Variants in HK1 observed in about 807,000 individuals in gnomAD.
HK1 encodes the protein hexokinase 1.
Under a neutral mutation model 91.6 loss-of-function variants are expected in HK1, and 28 were observed. The observed-to-expected ratio is 0.31, with a 90% CI of 0.23 to 0.42. The LOEUF (loss-of-function observed/expected upper bound fraction) is 0.42. HK1 is among the 10% of genes least tolerant of loss of function. HK1 has a pLI of 1.00. For missense variants in HK1, 770 were observed against 1,219.8 expected, an observed-to-expected ratio of 0.63 and a Z score of 5.49; for synonymous variants, 430 against 468.1, an observed-to-expected ratio of 0.92 and a Z score of 1.05.
chr10:69,364,990 G>T lies in HK1; in HGVS notation c.495+88G>T, dbSNP rs190810825. ...CTTTTCTCCACAACTTTTCCCCTTT[G>T]TTGGCAGAATGGTTTGCATGTCTGG... On this transcript the variant is annotated intron_variant, in intron 4 of 17. Transcript: ENST00000359426. 8.7e-4 allele frequency: 1,297 copies of T among 1,482,478 alleles called. 3 individuals are homozygous for T. The highest frequency in any genetic ancestry group is 1.1e-3 in the Non-Finnish European group (1,158 of 1,062,882). 91.8% of individuals were successfully genotyped at this position (1,482,478 alleles called of 1,614,324 possible).
Position 69,380,204 on chromosome 10 carries a change from A to T in HK1, c.1265+109A>T. On this transcript the variant is annotated intron_variant, in intron 9 of 17. Coordinates refer to ENST00000359426, the MANE Select transcript of HK1 (RefSeq NM_000188.3). The surrounding 1 kb of genome is among the most constrained non-coding windows in gnomAD (Gnocchi z 4.0). ...TAAACGTTTTTCGGCAGACAAGACA[A>T]TGGTGGTCGGGGGCTGTGGCTCATG... 1.1e-6 allele frequency: 1 copy of T among 877,954 alleles called. No individual in the cohort carries two copies. The highest frequency in any genetic ancestry group is 1.4e-5 in the South Asian group (1 of 71,256). 54.4% of individuals were successfully genotyped at this position (877,954 alleles called of 1,614,324 possible).
intron 3 of HK1, among the ~76,000 whole-genome samples, chr10:69,294,133 T>C (rs905980184): frequency 5.9e-5 from 9 of 151,826 alleles, no homozygotes; most frequent in Non-Finnish European, 1.3e-4. Flanking sequence ...AGTGCTGGGA[T>C]TACAGGCGTG....
At chr10:69,308,389 G>A (rs1003744015) in intron 5 of HK1, among the ~76,000 whole-genome samples, 3 of 152,104 alleles carry the variant, frequency 2.0e-5, no homozygotes, top group Non-Finnish European at 2.9e-5. Context: ...CGAGCTCCCC[G>A]AGTGAACAAT....
In HK1 at chr10:69,369,786, T is replaced by G. The variant is rs1450433800; in HGVS notation, c.875+162T>G. ...CGGAGTCTTGCTCTGTCACCCAGGC[T>G]GGAGTGCAGTGGCTCAATCTCAGCT... On this transcript the variant is annotated intron_variant, in intron 7 of 17. Transcript: ENST00000359426. The surrounding 1 kb of genome is among the most constrained non-coding windows in gnomAD (Gnocchi z 4.4). Among the ~76,000 whole-genome samples the G allele has an allele frequency of 1.3e-5, 2 of 152,166 alleles. No homozygotes were observed. Among genetic ancestry groups the G allele is most frequent in the African/African-American group, 4.8e-5 (2 of 41,444 alleles).
chr10:69,309,218 G>A (rs2132527737), intron 5 of HK1, among the ~76,000 whole-genome samples: 1 of 146,970 alleles, frequency 6.8e-6, no homozygotes, highest in East Asian at 2.0e-4. Context: ...GTCTCGCTCT[G>A]TCCCCTAGGC....
At chr10:69,315,176 A>C (rs1377723662), upstream of HK1, among the ~76,000 whole-genome samples, 1 of 152,250 alleles carries the variant, frequency 6.6e-6, no homozygotes, top group East Asian at 1.9e-4. Flanking sequence ...GGAGAAATGA[A>C]GCAATAAATG....
chr10:69,365,222 T>C (rs1385443857), intron 4 of HK1, among the ~76,000 whole-genome samples: 2 of 152,122 alleles, frequency 1.3e-5, no homozygotes, highest in African/African-American at 4.8e-5. Flanking sequence ...GAAAGCTCTT[T>C]GCCAGAATTG....
chr10:69,295,047 C>A (rs1845491102), intron 3 of HK1, among the ~76,000 whole-genome samples: 1 of 139,044 alleles, frequency 7.2e-6, no homozygotes, highest in Non-Finnish European at 1.6e-5. Flanking sequence ...AAGAGAGACC[C>A]TGTCTCAAAA....
chr10:69,290,563 A>G (rs1845252790), intron 3 of HK1, among the ~76,000 whole-genome samples: 2 of 152,066 alleles, frequency 1.3e-5, no homozygotes, highest in Admixed American at 1.3e-4. Context: ...CTATGGTGCA[A>G]TCTTGGCTCA....
chr10:69,365,655 A>G (rs1564544475), intron 4 of HK1, among the ~76,000 whole-genome samples: 2 of 152,108 alleles, frequency 1.3e-5, no homozygotes, highest in African/African-American at 4.8e-5. Context: ...AAGCAGAAGG[A>G]TCACTTAAGT....
chr10:69,362,046 G>A (rs1284865517), intron 3 of HK1, among the ~76,000 whole-genome samples: 1 of 152,156 alleles, frequency 6.6e-6, no homozygotes, highest in African/African-American at 2.4e-5. Flanking sequence ...GGAACTGCCT[G>A]TTCAGGTGTG....
At position 69,369,762 on chromosome 10, in the gene HK1, G is replaced by A. The variant is rs187822102; in HGVS notation, c.875+138G>A. 3.7e-5 allele frequency: 32 copies of A among 858,792 alleles called. No individual in the cohort carries two copies. Among genetic ancestry groups the A allele is most frequent in the African/African-American group, 3.0e-4 (18 of 59,596 alleles). 53.2% of individuals were successfully genotyped at this position (858,792 alleles called of 1,614,324 possible). On this transcript the variant is annotated intron_variant, in intron 7 of 17. Transcript: ENST00000359426. The surrounding 1 kb of genome is among the most constrained non-coding windows in gnomAD (Gnocchi z 4.4). ...GCCTGTCACATTTTTTTTTTGAGGC[G>A]GAGTCTTGCTCTGTCACCCAGGCTG...
At chr10:69,375,910 T>G (rs1839076749) in intron 7 of HK1, among the ~76,000 whole-genome samples, 1 of 152,198 alleles carries the variant, frequency 6.6e-6, no homozygotes, top group South Asian at 2.1e-4. Context: ...ATTGGGCTCA[T>G]TCTGTCATTG....
chr10:69,398,359 T>C (rs753198982), intron 16 of HK1, among the ~76,000 whole-genome samples: 1 of 152,240 alleles, frequency 6.6e-6, no homozygotes, highest in Admixed American at 6.5e-5. Context: ...GAAGGAAATA[T>C]ATTAAAATGT....
intron 7 of HK1, 43 bp from the exon 8 acceptor site, chr10:69,376,891 C>A (rs767550027): frequency 1.2e-6 from 2 of 1,610,562 alleles, no homozygotes; most frequent in Non-Finnish European, 1.7e-6. Flanking sequence ...GTGTGTGGGG[C>A]GCAGAGGAAG....
chr10:69,318,917 C>A lies in HK1; in HGVS notation c.-31C>A. The A allele has an allele frequency of 1.3e-6, 2 of 1,566,124 alleles. No homozygotes were observed. The highest frequency in any genetic ancestry group is 1.7e-6 in the Non-Finnish European group (2 of 1,157,552). ...GGCTGCGGAGGACCGACCGTCCCCA[C>A]GCCTGCCGCCCCGCGACCCCGACCG... On this transcript the variant is annotated 5_prime_UTR_variant, in exon 1 of 18. Coordinates refer to ENST00000359426, the MANE Select transcript of HK1 (RefSeq NM_000188.3).
chr10:69,400,905 G>T, intron 17 of HK1, 86 bp from the exon 18 acceptor site: 1 of 1,391,714 alleles, frequency 7.2e-7, no homozygotes, highest in South Asian at 1.2e-5. Flanking sequence ...CACCAGTCAG[G>T]GGGCTGTCTG....
At chr10:69,300,434 A>T in intron 4 of HK1, 1 of 776,274 alleles carries the variant, frequency 1.3e-6, no homozygotes, top group Non-Finnish European at 2.1e-6. Flanking sequence ...CATCTCTAGA[A>T]AAAGAATCCC....
chr10:69,330,832 A>C (rs1219466139), intron 1 of HK1, among the ~76,000 whole-genome samples: 1 of 151,598 alleles, frequency 6.6e-6, no homozygotes. Flanking sequence ...CCACTTCTTC[A>C]TCAAACCTGA....
Sources: allele counts gnomAD v4.1 joint callset (sites outside exome capture counted in the v4.1 genomes callset), GRCh38; gene constraint gnomAD v4.1.1; non-coding constraint Gnocchi (gnomAD v3.1); transcripts MANE v1.5; gene names NCBI Gene and HGNC (gene_info 2026-07-23, HGNC 2026-07-21).